Variants in RPH3A observed in about 807,000 individuals in gnomAD.
The protein encoded by RPH3A is rabphilin-3A.
Under a neutral mutation model 102.2 loss-of-function variants are expected in RPH3A, and 48 were observed. The ratio of observed to expected loss-of-function variants is 0.47; its 90% CI spans 0.37 to 0.60. RPH3A has a LOEUF of 0.60. Ranked by LOEUF, RPH3A falls within the 20% of genes least tolerant of loss-of-function variation. The pLI is 0.00. For synonymous variants in RPH3A, 310 were observed against 324.3 expected, an observed-to-expected ratio of 0.96 and a Z score of 0.47; for missense variants, 781 against 910.1, an observed-to-expected ratio of 0.86 and a Z score of 1.83.
chr12:112,792,701 C>A (rs953062754), intron 2 of RPH3A, among the ~76,000 whole-genome samples: 1 of 152,184 alleles, frequency 6.6e-6, no homozygotes, highest in African/African-American at 2.4e-5. Context: ...GGAAGGGTAA[C>A]TTTTGCCTGG....
chr12:112,768,280 G>A (rs1451907227), intron 1 of RPH3A, among the ~76,000 whole-genome samples: 1 of 152,158 alleles, frequency 6.6e-6, no homozygotes, highest in Non-Finnish European at 1.5e-5. Context: ...TGGTGTGTGA[G>A]TTCATGTCAC....
At chr12:112,725,279 A>AAC (rs1565861564) in intron 1 of RPH3A, among the ~76,000 whole-genome samples, 1 of 135,374 alleles carries the variant, frequency 7.4e-6, no homozygotes, top group African/African-American at 2.9e-5. Context: ...AAAAAAAAAA[A>AAC]CACGTTTTAA....
At chr12:112,787,053 C>T (rs1185704827), upstream of RPH3A, among the ~76,000 whole-genome samples, 1 of 152,166 alleles carries the variant, frequency 6.6e-6, no homozygotes. Context: ...CCCTACCTCT[C>T]TTTCTCTCTC....
At position 112,847,106 on chromosome 12, in the gene RPH3A, C is replaced by A. The variant is rs374518880; in HGVS notation, c.84-590C>A. Among the ~76,000 whole-genome samples, 7 of 152,142 alleles carry A rather than the reference C, an allele frequency of 4.6e-5. No individual in the cohort carries two copies. The East Asian group carries it at 9.7e-4, about 21-fold the overall frequency. On this transcript the variant is annotated intron_variant, in intron 4 of 21. Coordinates refer to ENST00000389385, the MANE Select transcript of RPH3A (RefSeq NM_001143854.2). ...TAAGCTGAGGCGGGCACACAGTGGG[C>A]ATGTGTGAGAGATAATTAGGTAATG...
intron 1 of RPH3A, among the ~76,000 whole-genome samples, chr12:112,680,567 C>G (rs2040219513): frequency 6.6e-6 from 1 of 152,164 alleles, no homozygotes; most frequent in South Asian, 2.1e-4. Context: ...TGAACCCAGG[C>G]AGTCTGGCCC....
intron 1 of RPH3A, among the ~76,000 whole-genome samples, chr12:112,759,100 T>C (rs2040838140): frequency 6.6e-6 from 1 of 152,218 alleles, no homozygotes; most frequent in Non-Finnish European, 1.5e-5. Context: ...ATTGAACACA[T>C]GTGTGATTGC....
chr12:112,675,283 T>C (rs1323597214), intron 1 of RPH3A, among the ~76,000 whole-genome samples: 6 of 152,172 alleles, frequency 3.9e-5, no homozygotes, highest in Admixed American at 2.0e-4. Context: ...TTCACATCTC[T>C]TGGAGGTTCA....
chr12:112,875,859 A>C, intron 12 of RPH3A, 118 bp downstream of exon 12: 1 of 743,374 alleles, frequency 1.3e-6, no homozygotes, highest in South Asian at 1.8e-5. Context: ...CTGTCTGATG[A>C]GATCTAAACA....
In RPH3A at chr12:112,696,873, C is replaced by G. The variant is rs75256779; in HGVS notation, c.-139-95270C>G. On this transcript the variant is annotated intron_variant, in intron 1 of 21. Coordinates refer to the RPH3A transcript ENST00000543106. ...GTAGGACTGGATCAGAAGGCTTCAGCATTTTATGTCATATGCTTTGGTCTT... is the reference window on the plus strand; with the variant it reads ...GTAGGACTGGATCAGAAGGCTTCAGGATTTTATGTCATATGCTTTGGTCTT... 1.3e-3 allele frequency among the ~76,000 whole-genome samples: 199 copies of G among 152,178 alleles called. 1 individual carries two copies. Among genetic ancestry groups the G allele is most frequent in the Non-Finnish European group, 2.3e-3 (157 of 68,014 alleles).
intron 1 of RPH3A, among the ~76,000 whole-genome samples, chr12:112,734,953 G>C (rs2040659123): frequency 6.6e-6 from 1 of 152,162 alleles, no homozygotes; most frequent in Non-Finnish European, 1.5e-5. Flanking sequence ...CCTGTATCTT[G>C]TGTTGACCTC....
rs76342455 is a variant in RPH3A at position 112,879,258 on chromosome 12, C to T, written c.1251+60C>T. 9,590 of 1,410,518 alleles carry T rather than the reference C, an allele frequency of 6.8e-3. 201 individuals are homozygous for T. The highest frequency in any genetic ancestry group is 0.047 in the East Asian group (2,023 of 43,294). The allele number at this position is 1,410,518 out of a possible 1,614,324, so 87.4% of individuals were successfully genotyped here. A position where few individuals can be genotyped will look rare whatever the true frequency, so the allele number is the denominator to read the frequency against. ...GATGCTCTGGCATGGCTAGGAGACT[C>T]AGATGGGGATGGATGACCAGGCCTG... On this transcript the variant is annotated intron_variant, in intron 14 of 21. Coordinates refer to ENST00000389385, the MANE Select transcript of RPH3A (RefSeq NM_001143854.2).
At chr12:112,813,245 T>C (rs987157821) in intron 2 of RPH3A, 20 of 152,194 alleles carry the variant, frequency 1.3e-4, no homozygotes, top group Admixed American at 4.6e-4. Flanking sequence ...GCCTGGGTGA[T>C]TGGGGAGACC....
intron 1 of RPH3A, among the ~76,000 whole-genome samples, chr12:112,691,261 C>G (rs2040305107): frequency 6.6e-6 from 1 of 152,166 alleles, no homozygotes; most frequent in Non-Finnish European, 1.5e-5. Context: ...ATCCGCCCGC[C>G]TCGGCCTCCC....
At chr12:112,594,125 G>T (rs978908553) in intron 1 of RPH3A, among the ~76,000 whole-genome samples, 6 of 152,178 alleles carry the variant, frequency 3.9e-5, no homozygotes, top group African/African-American at 1.4e-4. Flanking sequence ...CTAATCAGTT[G>T]TGTTATTCTG....
intron 2 of RPH3A, among the ~76,000 whole-genome samples, chr12:112,794,419 G>A (rs1370044483): frequency 6.6e-6 from 1 of 152,216 alleles, no homozygotes; most frequent in Non-Finnish European, 1.5e-5. Context: ...CCTGTTTGGG[G>A]TGATTGGGGA....
Position 112,896,907 on chromosome 12 carries a change from C to G in RPH3A, c.*127C>G, listed in dbSNP as rs547621808. 26 of 1,003,344 alleles carry G rather than the reference C, an allele frequency of 2.6e-5. No homozygotes were observed. In the South Asian group the frequency reaches 3.6e-4, roughly 14 times the overall value. The allele number at this position is 1,003,344 out of a possible 1,614,324, so 62.2% of individuals were successfully genotyped here. The stretch of plus-strand genomic sequence containing the variant: ...TACCCTGCTGATCTCCCTGAGCCTG[C>G]CTTTGAGCCCCCGTCACGTTGGGCA... On this transcript the variant is annotated 3_prime_UTR_variant, in exon 22 of 22. Transcript: ENST00000389385.
At chr12:112,710,043 C>T (rs576242106) in intron 1 of RPH3A, among the ~76,000 whole-genome samples, 2 of 152,166 alleles carry the variant, frequency 1.3e-5, no homozygotes, top group Middle Eastern at 3.4e-3. Flanking sequence ...GGCATGATCT[C>T]GGCTCACTGC....
At chr12:112,891,711 G>T (rs1379396089) in intron 19 of RPH3A, among the ~76,000 whole-genome samples, 1 of 152,196 alleles carries the variant, frequency 6.6e-6, no homozygotes, top group Non-Finnish European at 1.5e-5. Flanking sequence ...CTGGCCATCA[G>T]ACATGTCCTG....
chr12:112,895,802 G>A lies in RPH3A; in HGVS notation c.1883G>A (p.Ser628Asn). 3.1e-6 allele frequency: 5 copies of A among 1,614,010 alleles called. No individual in the cohort carries two copies. Among genetic ancestry groups the A allele is most frequent in the Non-Finnish European group, 4.2e-6 (5 of 1,179,940 alleles). Residue 628 changes from serine (S) to asparagine (N), a missense_variant, in exon 21 of 22, where the codon AGT becomes AAT. Ser to Asn is a conservative substitution (Grantham distance 46). Transcript: ENST00000389385. ...GAGTTTTTCTATGACATCAAACACA[G>A]TGACCTGGCAAAGAAGTCACTGGAC... ...NEEFFYDIKH[S>N]DLAKKSLDIS...
Sources: gnomAD v4.1 joint callset for allele counts (sites outside exome capture counted in the v4.1 genomes callset) on GRCh38, gnomAD v4.1.1 for gene constraint, MANE v1.5 for transcripts, NCBI Gene and HGNC (gene_info 2026-07-23, HGNC 2026-07-21) for gene names.